PDE1A: variants seen among roughly 807,000 people sequenced by gnomAD.
PDE1A encodes phosphodiesterase 1A, also known as dual specificity calcium/calmodulin-dependent 3',5'-cyclic nucleotide phosphodiesterase 1A.
Under a neutral mutation model 61.7 loss-of-function variants are expected in PDE1A, and 35 were observed. The ratio of observed to expected loss-of-function variants is 0.57; its 90% CI spans 0.43 to 0.75. PDE1A has a LOEUF of 0.75. PDE1A is among the 30% of genes least tolerant of loss of function. The pLI, the probability that PDE1A is intolerant of heterozygous loss-of-function variation, is 0.00. For missense variants in PDE1A, 597 were observed against 630.6 expected (o/e 0.95, Z 0.57); for synonymous variants, 232 against 213.2 (o/e 1.09, Z -0.77).
upstream of PDE1A, among the ~76,000 whole-genome samples, chr2:182,431,161 C>T (rs1338647452): frequency 1.4e-5 from 2 of 145,044 alleles, no homozygotes; most frequent in South Asian, 2.3e-4. Context: ...GCTTCTTTTA[C>T]TCTTCCTTCT....
chr2:182,661,600 T>C, the PDE1A span, among the ~76,000 whole-genome samples: 1 of 152,002 alleles, frequency 6.6e-6, no homozygotes, highest in Non-Finnish European at 1.5e-5. Context: ...AATAAAAATA[T>C]GGAACGGCTG....
intron 10 of PDE1A, among the ~76,000 whole-genome samples, chr2:182,189,892 A>G (rs139055032): frequency 6.6e-6 from 1 of 152,272 alleles, no homozygotes; most frequent in Non-Finnish European, 1.5e-5. Context: ...GTTCATTTCA[A>G]TTTCCTGGCC....
At chr2:182,317,009 G>C (rs143154163) in intron 1 of PDE1A, among the ~76,000 whole-genome samples, 1 of 152,070 alleles carries the variant, frequency 6.6e-6, no homozygotes, top group Non-Finnish European at 1.5e-5. Flanking sequence ...GGTTTAAAAG[G>C]CTTGTGTTTT....
the PDE1A span, among the ~76,000 whole-genome samples, chr2:182,631,423 CGCATTAGGTA>C: frequency 6.6e-6 from 1 of 152,138 alleles, no homozygotes; most frequent in Non-Finnish European, 1.5e-5. Context: ...CTCATCATCT[CGCATTAGGTA>C]ATCAGGCTCT....
At chr2:182,568,964 A>C in the PDE1A span, among the ~76,000 whole-genome samples, 1 of 152,004 alleles carries the variant, frequency 6.6e-6, no homozygotes, top group Non-Finnish European at 1.5e-5. Flanking sequence ...ATTCATCTTG[A>C]TATTTTTTAC....
At chr2:182,359,006 C>T (rs1255462374) in intron 1 of PDE1A, among the ~76,000 whole-genome samples, 4 of 151,294 alleles carry the variant, frequency 2.6e-5, no homozygotes, top group African/African-American at 4.9e-5. Flanking sequence ...TCTGTCCTTT[C>T]TTCATTTCTT....
At chr2:182,429,927 C>T (rs1477598220), upstream of PDE1A, among the ~76,000 whole-genome samples, 1 of 152,104 alleles carries the variant, frequency 6.6e-6, no homozygotes, top group East Asian at 1.9e-4. Context: ...GCACGTAAGT[C>T]TAGTCAAATA....
chr2:182,180,574 C>G (rs957845647), intron 13 of PDE1A, among the ~76,000 whole-genome samples: 1 of 152,090 alleles, frequency 6.6e-6, no homozygotes, highest in African/African-American at 2.4e-5. Context: ...TGGCGTTGAT[C>G]TTCTCATGGA....
the PDE1A span, among the ~76,000 whole-genome samples, chr2:182,601,167 G>A: frequency 6.6e-6 from 1 of 152,186 alleles, no homozygotes; most frequent in African/African-American, 2.4e-5. Context: ...ATCTGCCAAG[G>A]GTGAGCCAGG....
At chr2:182,532,276 T>C in the PDE1A span, among the ~76,000 whole-genome samples, 1 of 152,210 alleles carries the variant, frequency 6.6e-6, no homozygotes, top group Admixed American at 6.5e-5. Flanking sequence ...GATCAATGTT[T>C]GACATAATGG....
At chr2:182,370,396 T>G (rs986281530) in intron 1 of PDE1A, among the ~76,000 whole-genome samples, 4 of 152,100 alleles carry the variant, frequency 2.6e-5, no homozygotes, top group African/African-American at 9.7e-5. Flanking sequence ...TGAGGAAACT[T>G]GTAAAGATTT....
chr2:182,423,368 C>T (rs1313996690), intron 1 of PDE1A, among the ~76,000 whole-genome samples: 1 of 152,054 alleles, frequency 6.6e-6, no homozygotes, highest in African/African-American at 2.4e-5. Context: ...CCCAGACATT[C>T]TTAGAGGCAG....
chr2:182,224,476 A>T (rs750995613), intron 6 of PDE1A, among the ~76,000 whole-genome samples: 99 of 151,894 alleles, frequency 6.5e-4, no homozygotes, highest in Non-Finnish European at 6.2e-4. Flanking sequence ...AAATTCACAA[A>T]TTTTTCTATT....
chr2:182,364,484 A>AC (rs1699713342), intron 1 of PDE1A, among the ~76,000 whole-genome samples: 1 of 146,992 alleles, frequency 6.8e-6, no homozygotes, highest in Admixed American at 6.8e-5. Flanking sequence ...AAAAAAAAAA[A>AC]AAAAAAAAAA....
At chr2:182,435,393 A>G (rs567768440) in intron 2 of PDE1A, among the ~76,000 whole-genome samples, 1 of 152,174 alleles carries the variant, frequency 6.6e-6, no homozygotes, top group East Asian at 1.9e-4. Flanking sequence ...AACTAGCAGG[A>G]TAAGAAGAAG....
chr2:182,583,901 G>A, the PDE1A span, among the ~76,000 whole-genome samples: 3 of 152,162 alleles, frequency 2.0e-5, no homozygotes, highest in African/African-American at 7.2e-5. Context: ...TTGAAATTGG[G>A]ATGATTTAAA....
intron 2 of PDE1A, among the ~76,000 whole-genome samples, chr2:182,503,498 C>G (rs1028302206): frequency 5.3e-5 from 8 of 152,148 alleles, no homozygotes; most frequent in Non-Finnish European, 1.0e-4. Context: ...AATTATTCCA[C>G]TCTTTCTCCT....
At chr2:182,195,488 T>C (rs901355995) in intron 10 of PDE1A, among the ~76,000 whole-genome samples, 3 of 152,090 alleles carry the variant, frequency 2.0e-5, no homozygotes, top group African/African-American at 7.2e-5. Context: ...TAATTTGCAT[T>C]ATTAGGCTTC....
the PDE1A span, among the ~76,000 whole-genome samples, chr2:182,610,273 T>C: frequency 2.0e-5 from 3 of 152,306 alleles, no homozygotes; most frequent in East Asian, 3.9e-4. Context: ...TTCCCCTATA[T>C]CTTTGGGTCT....
Sources: allele counts gnomAD v4.1 joint callset (sites outside exome capture counted in the v4.1 genomes callset), GRCh38; gene constraint gnomAD v4.1.1; transcripts MANE v1.5; gene names NCBI Gene and HGNC (gene_info 2026-07-23, HGNC 2026-07-21).